The following SOX6 variants were observed in gnomAD, a reference collection of about 807,000 sequenced individuals.
SOX6 encodes SRY-box transcription factor 6, also known as transcription factor SOX-6.
In SOX6, 11 loss-of-function variants were observed where a neutral mutation model predicts 97.8. That is an observed-to-expected ratio of 0.11 (90% CI 0.07 to 0.19). The LOEUF is 0.19. Ranked by LOEUF, SOX6 falls within the 10% of genes least tolerant of loss-of-function variation. The pLI, the probability that SOX6 is intolerant of heterozygous loss-of-function variation, is 1.00. For missense variants in SOX6, 810 were observed against 1,039.5 expected (o/e 0.78, Z 3.04); for synonymous variants, 360 against 371.4 (o/e 0.97, Z 0.35).
At chr11:16,585,898 G>A (rs754218315) in intron 4 of SOX6, among the ~76,000 whole-genome samples, 1 of 151,958 alleles carries the variant, frequency 6.6e-6, no homozygotes, top group Non-Finnish European at 1.5e-5. Flanking sequence ...TCCCAGGCTG[G>A]TCTTGAACTC....
intron 9 of SOX6, among the ~76,000 whole-genome samples, chr11:16,091,828 C>A (rs1306030541): frequency 1.3e-5 from 2 of 151,928 alleles, no homozygotes; most frequent in Non-Finnish European, 2.9e-5. Context: ...TTTTAATTTT[C>A]TTATACAATT....
At chr11:15,982,558 T>C (rs955095161) in intron 15 of SOX6, among the ~76,000 whole-genome samples, 1 of 152,064 alleles carries the variant, frequency 6.6e-6, no homozygotes, top group Non-Finnish European at 1.5e-5. Flanking sequence ...TATTTGCATA[T>C]AACCTACACA....
chr11:16,324,995 G>A (rs918367635), intron 2 of SOX6, among the ~76,000 whole-genome samples: 9 of 151,966 alleles, frequency 5.9e-5, no homozygotes, highest in African/African-American at 2.2e-4. Flanking sequence ...TCTACTGTTT[G>A]GTAGCACATT....
At chr11:16,594,667 TTTC>T (rs1848190369) in intron 4 of SOX6, among the ~76,000 whole-genome samples, 1 of 150,568 alleles carries the variant, frequency 6.6e-6, no homozygotes, top group African/African-American at 2.4e-5. Flanking sequence ...CAATTTTTAT[TTTC>T]TTTTCGGTTT....
chr11:16,241,327 G>T (rs1590056646), intron 3 of SOX6, among the ~76,000 whole-genome samples: 1 of 152,064 alleles, frequency 6.6e-6, no homozygotes, highest in African/African-American at 2.4e-5. Flanking sequence ...TGCCCAGGAG[G>T]CCTTCAGATG....
At chr11:16,184,084 A>T in intron 5 of SOX6, 130 bp from the exon 6 acceptor site, 1 of 831,514 alleles carries the variant, frequency 1.2e-6, no homozygotes, top group Non-Finnish European at 2.0e-6. Context: ...ATAAAATGAG[A>T]GAGGCCAAAT....
chr11:16,142,961 G>A (rs1401201469), intron 6 of SOX6, among the ~76,000 whole-genome samples: 1 of 152,128 alleles, frequency 6.6e-6, no homozygotes, highest in African/African-American at 2.4e-5. Flanking sequence ...CCCCAACCTA[G>A]CAAGGCAGGC....
At chr11:16,020,330 G>T (rs1855016231) in intron 12 of SOX6, among the ~76,000 whole-genome samples, 1 of 151,974 alleles carries the variant, frequency 6.6e-6, no homozygotes, top group African/African-American at 2.4e-5. Flanking sequence ...CACTGCTGCA[G>T]CCTCCTTTCT....
At chr11:16,528,329 A>G (rs1343137746) in intron 4 of SOX6, among the ~76,000 whole-genome samples, 2 of 152,142 alleles carry the variant, frequency 1.3e-5, no homozygotes, top group Non-Finnish European at 2.9e-5. Flanking sequence ...TCTCACTTAC[A>G]TCTCATACCA....
intron 6 of SOX6, among the ~76,000 whole-genome samples, chr11:16,177,935 G>C (rs758606517): frequency 7.9e-5 from 12 of 151,898 alleles, no homozygotes; most frequent in Non-Finnish European, 1.2e-4. Context: ...TGGTTTGGGA[G>C]AGAGCTGGGG....
intron 6 of SOX6, among the ~76,000 whole-genome samples, chr11:16,180,434 T>C (rs531645230): frequency 1.3e-5 from 2 of 151,854 alleles, no homozygotes; most frequent in East Asian, 3.9e-4. Context: ...GACCTATTAG[T>C]TTTGCTTTCC....
At chr11:16,478,892 T>C (rs1860297186), upstream of SOX6, among the ~76,000 whole-genome samples, 1 of 152,208 alleles carries the variant, frequency 6.6e-6, no homozygotes, top group African/African-American at 2.4e-5. Context: ...GAGCAAATCA[T>C]TACGTGTTCT....
intron 3 of SOX6, among the ~76,000 whole-genome samples, chr11:16,688,432 A>G (rs1191224741): frequency 6.6e-6 from 1 of 152,178 alleles, no homozygotes; most frequent in Non-Finnish European, 1.5e-5. Context: ...TTAGTCCCAC[A>G]GCTCACTGAT....
At chr11:16,129,348 C>CT (rs966205492) in intron 6 of SOX6, among the ~76,000 whole-genome samples, 8 of 152,052 alleles carry the variant, frequency 5.3e-5, no homozygotes, top group East Asian at 1.9e-4. Flanking sequence ...CTCTCTTCCT[C>CT]TTTTTTTTCC....
intron 4 of SOX6, among the ~76,000 whole-genome samples, chr11:16,499,644 C>A (rs1460048220): frequency 6.6e-6 from 1 of 152,190 alleles, no homozygotes; most frequent in African/African-American, 2.4e-5. Flanking sequence ...ACCGATCCCA[C>A]AGAAATACAA....
intron 1 of SOX6, among the ~76,000 whole-genome samples, chr11:16,403,198 A>G (rs1437110424): frequency 1.3e-5 from 2 of 151,718 alleles, no homozygotes; most frequent in African/African-American, 2.4e-5. Context: ...TCCAGCAAAT[A>G]TTCCTCCTCC....
At chr11:16,030,536 G>C (rs1272807695) in intron 12 of SOX6, among the ~76,000 whole-genome samples, 2 of 152,044 alleles carry the variant, frequency 1.3e-5, no homozygotes, top group Non-Finnish European at 2.9e-5. Flanking sequence ...AAAATTTCTA[G>C]CTCATTAAAT....
chr11:16,709,856 G>T (rs150112528), intron 3 of SOX6, among the ~76,000 whole-genome samples: 50 of 152,248 alleles, frequency 3.3e-4, no homozygotes, highest in Middle Eastern at 6.8e-3. Context: ...GGTGCAGAAA[G>T]AAGAATGCAC....
chr11:16,700,441 G>A (rs1848084360), intron 3 of SOX6, among the ~76,000 whole-genome samples: 1 of 152,142 alleles, frequency 6.6e-6, no homozygotes. Flanking sequence ...TAATGGCAAA[G>A]CAATAAAGGA....
Sources: allele counts gnomAD v4.1 joint callset (sites outside exome capture counted in the v4.1 genomes callset), GRCh38; gene constraint gnomAD v4.1.1; transcripts MANE v1.5; gene names NCBI Gene and HGNC (gene_info 2026-07-23, HGNC 2026-07-21).